The following KDM4C variants were observed in gnomAD, a reference collection of about 807,000 sequenced individuals.
KDM4C encodes the protein lysine-specific demethylase 4C.
Under a neutral mutation model 129.3 loss-of-function variants are expected in KDM4C, and 81 were observed. The observed-to-expected ratio is 0.63, with a 90% confidence interval of 0.52 to 0.75. The LOEUF (loss-of-function observed/expected upper bound fraction) is 0.75. KDM4C is among the 30% of genes least tolerant of loss of function. The probability of loss-of-function intolerance (pLI) is 0.00; values close to 1 mark genes in which losing one functional copy is unlikely to be tolerated. For missense variants in KDM4C, 1,457 were observed against 1,304.0 expected, an observed-to-expected ratio of 1.12 and a Z score of -1.81; for synonymous variants, 573 against 456.1, an observed-to-expected ratio of 1.26 and a Z score of -3.26.
chr9:6,868,978 A>AAG (rs1210757230), intron 5 of KDM4C, among the ~76,000 whole-genome samples: 2 of 152,138 alleles, frequency 1.3e-5, no homozygotes, highest in Non-Finnish European at 2.9e-5. Context: ...CTTGAAAGTC[A>AAG]AGTTTTGTGC....
At chr9:6,804,713 C>T (rs891459836) in intron 2 of KDM4C, among the ~76,000 whole-genome samples, 3 of 148,896 alleles carry the variant, frequency 2.0e-5, no homozygotes, top group Admixed American at 1.3e-4. Context: ...GAGCTGAGAT[C>T]GTGCCACTGC....
At chr9:7,017,588 T>C (rs998669768) in intron 15 of KDM4C, among the ~76,000 whole-genome samples, 1 of 152,228 alleles carries the variant, frequency 6.6e-6, no homozygotes, top group Non-Finnish European at 1.5e-5. Context: ...AGTTTTACCT[T>C]AATTTTTCTT....
At chr9:6,790,369 T>C (rs1324402591) in intron 1 of KDM4C, among the ~76,000 whole-genome samples, 3 of 151,380 alleles carry the variant, frequency 2.0e-5, no homozygotes, top group Admixed American at 6.6e-5. Flanking sequence ...CTCAGCCTCC[T>C]GAGTAACTTG....
At position 6,995,070 on chromosome 9, in the gene KDM4C, C is replaced by T. The variant is rs539069111; in HGVS notation, c.1786+4546C>T. Among the ~76,000 whole-genome samples, 8 of 151,462 alleles carry T rather than the reference C, an allele frequency of 5.3e-5. No individual in the cohort carries two copies. In the South Asian group the frequency reaches 1.3e-3, roughly 24 times the overall value. On this transcript the variant is annotated intron_variant, in intron 12 of 21. Transcript: ENST00000381309. ...TCCTGAGAGTGGTTTTTTTTTTCCC[C>T]ACCCACAACAAAGGAATGATGCATA...
chr9:7,009,038 A>G (rs1822202342), intron 12 of KDM4C, among the ~76,000 whole-genome samples: 1 of 152,248 alleles, frequency 6.6e-6, no homozygotes, highest in Admixed American at 6.5e-5. Context: ...TCAGTAACCA[A>G]CAATAAAGAA....
chr9:6,952,405 A>ATG (rs201965806), intron 8 of KDM4C, among the ~76,000 whole-genome samples: 566 of 116,286 alleles, frequency 4.9e-3, no homozygotes, highest in African/African-American at 0.016. Flanking sequence ...CACAGTGTGT[A>ATG]TGTGTGTATA....
chr9:7,081,948 C>T (rs1834570140), intron 17 of KDM4C, among the ~76,000 whole-genome samples: 7 of 152,098 alleles, frequency 4.6e-5, no homozygotes, highest in Middle Eastern at 3.4e-3. Context: ...AGCTAGTTGC[C>T]GGCTAATGGA....
chr9:6,759,835 C>G (rs1473083099), intron 1 of KDM4C, among the ~76,000 whole-genome samples: 1 of 151,454 alleles, frequency 6.6e-6, no homozygotes, highest in Non-Finnish European at 1.5e-5. Context: ...CGCCTGTAAT[C>G]CCAGCTGAGG....
At position 6,849,810 on chromosome 9, in the gene KDM4C, G is replaced by A. The variant is rs7037261; in HGVS notation, c.629+110G>A. On this transcript the variant is annotated intron_variant, in intron 5 of 21. Coordinates refer to ENST00000381309, the MANE Select transcript of KDM4C (RefSeq NM_015061.6). Reference sequence around the variant, plus strand: ...ATTTGGTGGATTCAGATTTATGTGAGCTGTAAGGAAGTTTTTGACTGTAAT... The same window carrying A: ...ATTTGGTGGATTCAGATTTATGTGAACTGTAAGGAAGTTTTTGACTGTAAT... The A allele has an allele frequency of 6.5e-5, 57 of 879,888 alleles. 1 individual carries two copies. In the African/African-American group the frequency reaches 7.9e-4, roughly 12 times the overall value. 54.5% of individuals were successfully genotyped at this position (879,888 alleles called of 1,614,324 possible).
chr9:7,008,650 C>G (rs1822125845), intron 12 of KDM4C, among the ~76,000 whole-genome samples: 1 of 152,224 alleles, frequency 6.6e-6, no homozygotes, highest in Admixed American at 6.5e-5. Context: ...CAGGACCACA[C>G]CAGTGGAATG....
intron 18 of KDM4C, among the ~76,000 whole-genome samples, chr9:7,116,520 C>A (rs1587720998): frequency 1.3e-5 from 2 of 152,236 alleles, no homozygotes; most frequent in South Asian, 4.1e-4. Flanking sequence ...ATCCTGCCCC[C>A]ACGTGAACCC....
intron 4 of KDM4C, chr9:6,835,177 A>T: frequency 1.1e-6 from 1 of 940,682 alleles, no homozygotes; most frequent in Non-Finnish European, 1.8e-6. Flanking sequence ...CTATGAGCTG[A>T]CTGACGGCCA....
chr9:7,058,992 A>T (rs1412858732), intron 17 of KDM4C, among the ~76,000 whole-genome samples: 1 of 152,218 alleles, frequency 6.6e-6, no homozygotes, highest in African/African-American at 2.4e-5. Flanking sequence ...GAAAACTGGA[A>T]TTTTAGAAAA....
chr9:7,085,047 A>C (rs1029514820), intron 17 of KDM4C, among the ~76,000 whole-genome samples: 2 of 152,202 alleles, frequency 1.3e-5, no homozygotes, highest in East Asian at 1.9e-4. Flanking sequence ...AGATGAAGGT[A>C]AGGTTGGGAA....
chr9:6,731,070 A>C (rs1253562935), intron 1 of KDM4C, among the ~76,000 whole-genome samples: 1 of 152,166 alleles, frequency 6.6e-6, no homozygotes, highest in Non-Finnish European at 1.5e-5. Context: ...TTAGAGATTG[A>C]CCAAAACTTG....
intron 1 of KDM4C, among the ~76,000 whole-genome samples, chr9:6,729,808 G>C (rs1817260723): frequency 7.5e-6 from 1 of 134,024 alleles, no homozygotes; most frequent in Non-Finnish European, 1.5e-5. Context: ...GATAAAAAAG[G>C]CTTAATAAAG....
chr9:6,889,361 G>A (rs569601689), intron 7 of KDM4C, among the ~76,000 whole-genome samples: 50 of 151,978 alleles, frequency 3.3e-4, no homozygotes, highest in Non-Finnish European at 5.1e-4. Context: ...CAGCAGTCAC[G>A]CACAAGATAT....
intron 1 of KDM4C, among the ~76,000 whole-genome samples, chr9:6,777,995 A>T (rs967577310): frequency 6.7e-6 from 1 of 148,594 alleles, no homozygotes; most frequent in South Asian, 2.1e-4. Context: ...ATCATAGCTC[A>T]CTGCAGCCTT....
intron 17 of KDM4C, chr9:7,077,293 C>T (rs941900814): frequency 2.1e-5 from 19 of 910,960 alleles, no homozygotes; most frequent in East Asian, 1.2e-4. Flanking sequence ...ATTTGATTTG[C>T]GTATTTACAT....
Sources: gnomAD v4.1 joint callset for allele counts (sites outside exome capture counted in the v4.1 genomes callset) on GRCh38, gnomAD v4.1.1 for gene constraint, MANE v1.5 for transcripts, NCBI Gene and HGNC (gene_info 2026-07-23, HGNC 2026-07-21) for gene names.